The following LUZP2 variants were observed in gnomAD, a reference collection of about 807,000 sequenced individuals.
LUZP2 encodes the protein leucine zipper protein 2.
A neutral mutation model predicts 51.6 loss-of-function variants in LUZP2; 52 were observed. The ratio of observed to expected loss-of-function variants is 1.01; its 90% CI spans 0.81 to 1.27. The LOEUF (loss-of-function observed/expected upper bound fraction) is 1.27. Among genes scored for constraint, LUZP2 ranks in the 50% most tolerant of loss-of-function variants. The pLI is 0.00. For missense variants in LUZP2, 436 were observed against 395.4 expected, an observed-to-expected ratio of 1.10 and a Z score of -0.87; for synonymous variants, 154 against 137.3, an observed-to-expected ratio of 1.12 and a Z score of -0.85.
At chr11:24,500,410 T>C (rs1258838956) in intron 1 of LUZP2, among the ~76,000 whole-genome samples, 3 of 152,158 alleles carry the variant, frequency 2.0e-5, no homozygotes, top group African/African-American at 7.2e-5. Context: ...AAAGCAAACA[T>C]GTTGGTTTAA....
intron 5 of LUZP2, among the ~76,000 whole-genome samples, chr11:24,895,878 C>T (rs7479243): frequency 0.59 from 89,922 of 152,022 alleles, 27,385 homozygotes; most frequent in East Asian, 0.78. Context: ...CTGAGTTGAA[C>T]GGTAGTTCCC....
chr11:24,765,793 A>AT (rs1590478941), intron 5 of LUZP2, among the ~76,000 whole-genome samples: 1 of 151,564 alleles, frequency 6.6e-6, no homozygotes, highest in Admixed American at 6.6e-5. Flanking sequence ...CGCCTGGCTA[A>AT]TTTTTTGTAT....
rs1471427650 is a variant in LUZP2 at position 24,657,796 on chromosome 11, C to T, written c.63-71373C>T. Among the ~76,000 whole-genome samples the T allele has an allele frequency of 2.6e-5, 4 of 151,996 alleles. No homozygotes were observed. The East Asian group carries it at 7.7e-4, about 29-fold the overall frequency. ...TTATACACCATTAACAAACAGAGAG[C>T]CAAATCATGAGTGAACTCCCATTCA... On this transcript the variant is annotated intron_variant, in intron 1 of 11. Transcript: ENST00000336930.
At chr11:25,072,241 G>T (rs1470456904) in intron 10 of LUZP2, among the ~76,000 whole-genome samples, 1 of 151,982 alleles carries the variant, frequency 6.6e-6, no homozygotes, top group Non-Finnish European at 1.5e-5. Flanking sequence ...AAATCTCTCT[G>T]ATACTCTTTT....
In LUZP2 at chr11:25,023,043, C is replaced by T. The variant is rs570306757; in HGVS notation, c.766-26995C>T. 4.3e-4 allele frequency among the ~76,000 whole-genome samples: 66 copies of T among 152,204 alleles called. 1 individual carries two copies. The South Asian group carries it at 0.01, about 23-fold the overall frequency. On this transcript the variant is annotated intron_variant, in intron 9 of 11. Coordinates refer to ENST00000336930, the MANE Select transcript of LUZP2 (RefSeq NM_001009909.4). The stretch of plus-strand genomic sequence containing the variant: ...AAACTTTTTGATATGCTGCTGGATT[C>T]GGTTTGCCAGCATTTTATTGAGGGT...
intron 1 of LUZP2, among the ~76,000 whole-genome samples, chr11:24,623,637 G>T (rs1439073333): frequency 6.6e-6 from 1 of 152,046 alleles, no homozygotes; most frequent in Non-Finnish European, 1.5e-5. Context: ...CCTAAAGTCG[G>T]GAGTTGGAGA....
rs571512949 is a variant in LUZP2 at position 24,658,703 on chromosome 11, A to G, written c.63-70466A>G. On this transcript the variant is annotated intron_variant, in intron 1 of 11. Coordinates refer to ENST00000336930, the MANE Select transcript of LUZP2 (RefSeq NM_001009909.4). ...GACAAAGGGCTAATATCCAGAATCT[A>G]CAATGAACTCAAACAAATTTACAAG... Among the ~76,000 whole-genome samples the G allele has an allele frequency of 8.7e-3, 1,318 of 152,336 alleles. 16 individuals are homozygous for G. Among genetic ancestry groups the G allele is most frequent in the African/African-American group, 0.03 (1,236 of 41,576 alleles).
chr11:24,544,491 C>A (rs184604923), intron 1 of LUZP2, among the ~76,000 whole-genome samples: 1 of 152,162 alleles, frequency 6.6e-6, no homozygotes, highest in East Asian at 1.9e-4. Flanking sequence ...TACTATGTGT[C>A]CATGAGTTCT....
chr11:24,899,984 ATATT>A (rs1196345546), intron 5 of LUZP2, among the ~76,000 whole-genome samples: 1 of 152,162 alleles, frequency 6.6e-6, no homozygotes, highest in Non-Finnish European at 1.5e-5. Context: ...TTTGTTATAT[ATATT>A]TAATGTTATT....
intron 7 of LUZP2, among the ~76,000 whole-genome samples, chr11:24,960,810 GCTTTTCTAGTT>G (rs1285220042): frequency 6.6e-6 from 1 of 151,934 alleles, no homozygotes; most frequent in African/African-American, 2.4e-5. Flanking sequence ...GTTTGCTCTT[GCTTTTCTAGTT>G]CTTTTAATTG....
intron 9 of LUZP2, among the ~76,000 whole-genome samples, chr11:25,016,564 G>A (rs376984078): frequency 2.4e-4 from 37 of 152,088 alleles, no homozygotes; most frequent in African/African-American, 8.7e-4. Context: ...ATATCATGGT[G>A]TGGGTGTACC....
Position 25,050,112 on chromosome 11 carries a change from T to A in LUZP2, c.840T>A (p.Thr280=). ...ESTKEGNPST[T]ACDSQDEGRP... is the part of the protein sequence containing the mutation. ...CAAAGGAAGGAAATCCAAGTACCACTGCCTGTGACTCTCAAGATGTAAGAA... is the reference window on the plus strand; with the variant it reads ...CAAAGGAAGGAAATCCAAGTACCACAGCCTGTGACTCTCAAGATGTAAGAA... The change falls in exon 10 of 12, where the codon ACT becomes ACA. Residue 280 remains threonine (T), a synonymous_variant. Coordinates refer to ENST00000336930, the MANE Select transcript of LUZP2 (RefSeq NM_001009909.4). 6.3e-7 allele frequency: 1 copy of A among 1,598,654 alleles called. No homozygotes were observed. The highest frequency in any genetic ancestry group is 8.5e-7 in the Non-Finnish European group (1 of 1,171,598).
chr11:24,936,045 C>T (rs1167798757), intron 7 of LUZP2, among the ~76,000 whole-genome samples: 1 of 152,044 alleles, frequency 6.6e-6, no homozygotes, highest in Non-Finnish European at 1.5e-5. Flanking sequence ...TATTTCATTA[C>T]TGTTAGTGAG....
At chr11:25,003,894 G>C (rs746876171) in intron 9 of LUZP2, among the ~76,000 whole-genome samples, 1 of 152,146 alleles carries the variant, frequency 6.6e-6, no homozygotes, top group South Asian at 2.1e-4. Flanking sequence ...AACAAGAAAG[G>C]CATGTGAAAA....
chr11:24,654,064 A>G (rs1323605402), intron 1 of LUZP2, among the ~76,000 whole-genome samples: 1 of 152,208 alleles, frequency 6.6e-6, no homozygotes, highest in East Asian at 1.9e-4. Flanking sequence ...TATCTCTATT[A>G]CTTAGTAATT....
At chr11:24,852,420 G>A (rs1359090527) in intron 5 of LUZP2, among the ~76,000 whole-genome samples, 1 of 152,162 alleles carries the variant, frequency 6.6e-6, no homozygotes, top group East Asian at 1.9e-4. Context: ...GCAGTTTTGA[G>A]TGAGTTTCTT....
At chr11:24,884,711 C>G (rs1352192648) in intron 5 of LUZP2, among the ~76,000 whole-genome samples, 2 of 151,934 alleles carry the variant, frequency 1.3e-5, no homozygotes, top group Non-Finnish European at 2.9e-5. Flanking sequence ...CTTGCCATTT[C>G]CTATTATTTG....
At chr11:24,783,686 G>C (rs1489265179) in intron 5 of LUZP2, among the ~76,000 whole-genome samples, 1 of 151,964 alleles carries the variant, frequency 6.6e-6, no homozygotes, top group African/African-American at 2.4e-5. Context: ...GTCAGAGCTA[G>C]AGAACTGACC....
chr11:24,630,673 CT>C (rs57556855), intron 1 of LUZP2, among the ~76,000 whole-genome samples: 2,806 of 131,630 alleles, frequency 0.021, 54 homozygotes, highest in African/African-American at 0.045. Context: ...GCTATTCCGA[CT>C]TTTTTTTTTT....
Sources: allele counts gnomAD v4.1 joint callset (sites outside exome capture counted in the v4.1 genomes callset), GRCh38; gene constraint gnomAD v4.1.1; transcripts MANE v1.5; gene names NCBI Gene and HGNC (gene_info 2026-07-23, HGNC 2026-07-21).